The following PPP3CA variants were observed in gnomAD, a reference collection of about 807,000 sequenced individuals.
The protein encoded by PPP3CA is protein phosphatase 3 catalytic subunit alpha.
In PPP3CA, 14 loss-of-function variants were observed where a neutral mutation model predicts 66.5. The ratio of observed to expected loss-of-function variants is 0.21; its 90% confidence interval spans 0.14 to 0.33. The LOEUF is 0.33. Ranked by LOEUF, PPP3CA falls within the 10% of genes least tolerant of loss-of-function variation. The probability of loss-of-function intolerance (pLI) is 1.00; values close to 1 mark genes in which losing one functional copy is unlikely to be tolerated. For synonymous variants in PPP3CA, 232 were observed against 226.2 expected, an observed-to-expected ratio of 1.03 and a Z score of -0.23; for missense variants, 317 against 639.5, an observed-to-expected ratio of 0.50 and a Z score of 5.44.
At chr4:101,231,082 A>G (rs995502205) in intron 1 of PPP3CA, among the ~76,000 whole-genome samples, 3 of 151,580 alleles carry the variant, frequency 2.0e-5, no homozygotes, top group African/African-American at 7.3e-5. Flanking sequence ...CTTTCCTACA[A>G]CTACCTCCTT....
chr4:101,040,132 C>T (rs938445968), intron 11 of PPP3CA, among the ~76,000 whole-genome samples: 2 of 151,942 alleles, frequency 1.3e-5, no homozygotes, highest in South Asian at 2.1e-4. Context: ...TCTTTCACCA[C>T]GAGCCAGAAC....
At chr4:101,241,466 A>C (rs565174226) in intron 1 of PPP3CA, among the ~76,000 whole-genome samples, 4 of 152,146 alleles carry the variant, frequency 2.6e-5, no homozygotes, top group Non-Finnish European at 5.9e-5. Context: ...GTTGAATAAA[A>C]GAAAGAATAT....
At chr4:101,085,738 T>C (rs1277499636) in intron 6 of PPP3CA, among the ~76,000 whole-genome samples, 2 of 152,082 alleles carry the variant, frequency 1.3e-5, no homozygotes, top group African/African-American at 4.8e-5. Context: ...TCTAATAGTA[T>C]TAGAAAAGAG....
At chr4:101,180,765 G>A (rs1015319529) in intron 2 of PPP3CA, among the ~76,000 whole-genome samples, 18 of 152,066 alleles carry the variant, frequency 1.2e-4, no homozygotes, top group Non-Finnish European at 1.5e-4. Context: ...CAGGCGCAGT[G>A]GCTCACACCT....
intron 10 of PPP3CA, among the ~76,000 whole-genome samples, chr4:101,058,022 G>C (rs1469091421): frequency 6.6e-6 from 1 of 151,916 alleles, no homozygotes; most frequent in African/African-American, 2.4e-5. Context: ...TTGACTAAGG[G>C]AAATACACCA....
At chr4:101,042,092 A>C (rs17030727) in intron 10 of PPP3CA, among the ~76,000 whole-genome samples, 21,676 of 151,702 alleles carry the variant, frequency 0.14, 2,742 homozygotes, top group African/African-American at 0.34. Context: ...TGTGTGGATC[A>C]ATTAATATGC....
Position 101,347,117 on chromosome 4 carries a change from G to C in PPP3CA, c.-321C>G. 2.1e-6 allele frequency: 1 copy of C among 485,364 alleles called. No individual in the cohort carries two copies. Among genetic ancestry groups the C allele is most frequent in the Non-Finnish European group, 3.7e-6 (1 of 270,828 alleles). 30.1% of individuals were successfully genotyped at this position (485,364 alleles called of 1,614,324 possible). A position where few individuals can be genotyped will look rare whatever the true frequency, so the allele number is the denominator to read the frequency against. On this transcript the variant is annotated 5_prime_UTR_variant, in exon 1 of 14. Coordinates refer to ENST00000394854, the MANE Select transcript of PPP3CA (RefSeq NM_000944.5). ...TCTTCTTTTATTCTTGGGGGAAGGG[G>C]GATGGGGAGGAGAAGCGCACACACG...
At chr4:101,068,827 T>C (rs1423485820) in intron 8 of PPP3CA, among the ~76,000 whole-genome samples, 1 of 152,172 alleles carries the variant, frequency 6.6e-6, no homozygotes, top group Admixed American at 6.6e-5. Context: ...GAGCAAGGAC[T>C]GTATTCATAA....
chr4:101,030,011 A>C (rs770382995), intron 12 of PPP3CA, among the ~76,000 whole-genome samples: 39 of 152,092 alleles, frequency 2.6e-4, no homozygotes, highest in Non-Finnish European at 5.0e-4. Context: ...CATTTTAAAG[A>C]ATAGGCAGCC....
intron 1 of PPP3CA, among the ~76,000 whole-genome samples, chr4:101,271,187 C>T (rs1727326882): frequency 6.6e-6 from 1 of 152,020 alleles, no homozygotes; most frequent in Non-Finnish European, 1.5e-5. Context: ...ACATGTTTTC[C>T]AAAACTTGAT....
At chr4:101,122,304 T>C (rs1037317418) in intron 2 of PPP3CA, among the ~76,000 whole-genome samples, 5 of 152,210 alleles carry the variant, frequency 3.3e-5, no homozygotes, top group Non-Finnish European at 7.3e-5. Flanking sequence ...GGAAGGGTTC[T>C]TGAGGAGTGT....
chr4:101,124,268 G>GA (rs201067077), intron 2 of PPP3CA, among the ~76,000 whole-genome samples: 44 of 150,344 alleles, frequency 2.9e-4, no homozygotes, highest in Admixed American at 1.1e-3. Context: ...GACCAAATTA[G>GA]AAAAAAAAAC....
intron 6 of PPP3CA, among the ~76,000 whole-genome samples, chr4:101,084,410 G>T (rs1216686923): frequency 6.6e-6 from 1 of 152,130 alleles, no homozygotes; most frequent in Non-Finnish European, 1.5e-5. Context: ...GGAGGCAGAG[G>T]CGGGCAGATC....
chr4:101,286,733 T>TA (rs950199336), intron 1 of PPP3CA, among the ~76,000 whole-genome samples: 5 of 152,164 alleles, frequency 3.3e-5, no homozygotes, highest in African/African-American at 1.2e-4. Context: ...ACAAATGCTA[T>TA]AAAAAATTAA....
chr4:101,229,468 A>G (rs963331775), intron 1 of PPP3CA, among the ~76,000 whole-genome samples: 8 of 151,738 alleles, frequency 5.3e-5, no homozygotes, highest in East Asian at 1.9e-4. Context: ...CATTCTAGCA[A>G]AAGTGTATAA....
chr4:101,108,929 C>A (rs1419562417), intron 3 of PPP3CA, 25 bp downstream of exon 3: 1 of 1,607,740 alleles, frequency 6.2e-7, no homozygotes, highest in Middle Eastern at 1.7e-4. Context: ...AACTGAACAG[C>A]AAAGAAGACA....
intron 1 of PPP3CA, among the ~76,000 whole-genome samples, chr4:101,266,722 G>C (rs940944874): frequency 5.3e-5 from 8 of 152,140 alleles, no homozygotes; most frequent in Admixed American, 5.2e-4. Context: ...AATTGAACCT[G>C]AGTTCAACTA....
chr4:101,189,712 A>G (rs1459560922), intron 2 of PPP3CA, among the ~76,000 whole-genome samples: 1 of 148,318 alleles, frequency 6.7e-6, no homozygotes. Context: ...AAACAAAACC[A>G]AAAGAACCTA....
chr4:101,318,331 C>A (rs966917317), intron 1 of PPP3CA, among the ~76,000 whole-genome samples: 1 of 152,090 alleles, frequency 6.6e-6, no homozygotes, highest in Non-Finnish European at 1.5e-5. Flanking sequence ...CTATTAAATT[C>A]CTTTTAGAAA....
Sources: allele counts gnomAD v4.1 joint callset (sites outside exome capture counted in the v4.1 genomes callset), GRCh38; gene constraint gnomAD v4.1.1; transcripts MANE v1.5; gene names NCBI Gene and HGNC (gene_info 2026-07-23, HGNC 2026-07-21).